Variants in ARK2C observed in about 807,000 individuals in gnomAD.
ARK2C encodes arkadia (RNF111) C-terminal like ring finger ubiquitin ligase 2C, also known as E3 ubiquitin-protein ligase ARK2C.
chr18:46,425,390 C>G, the ARK2C span, among the ~76,000 whole-genome samples: 1 of 152,212 alleles, frequency 6.6e-6, no homozygotes, highest in Non-Finnish European at 1.5e-5. Flanking sequence ...CTGGGGTAGC[C>G]CCGGGTGGGT....
At chr18:46,458,277 T>A in the ARK2C span, 1 of 152,650 alleles carries the variant, frequency 6.6e-6, no homozygotes. Flanking sequence ...GACAGAAGAA[T>A]GGAGATGGGA....
the ARK2C span, among the ~76,000 whole-genome samples, chr18:46,395,494 G>A: frequency 1.3e-5 from 2 of 152,208 alleles, no homozygotes; most frequent in African/African-American, 4.8e-5. Flanking sequence ...TAATCCTCAT[G>A]GCAGCCCTTA....
the ARK2C span, among the ~76,000 whole-genome samples, chr18:46,446,670 CAAAA>C: frequency 1.7e-4 from 6 of 34,384 alleles, no homozygotes; most frequent in African/African-American, 7.3e-4. Context: ...GACTCCATCT[CAAAA>C]AAAAAAAAAA....
the ARK2C span, chr18:46,387,213 C>A: frequency 2.6e-5 from 4 of 152,176 alleles, no homozygotes; most frequent in African/African-American, 9.7e-5. Flanking sequence ...CAAACTTCAA[C>A]GTCCAGCTGA....
the ARK2C span, chr18:46,456,580 A>G: frequency 6.2e-7 from 1 of 1,614,172 alleles, no homozygotes; most frequent in Non-Finnish European, 8.5e-7. Context: ...CGCCATGAGC[A>G]AGAAATGCCC....
chr18:46,432,429 T>C, the ARK2C span, among the ~76,000 whole-genome samples: 1 of 152,184 alleles, frequency 6.6e-6, no homozygotes, highest in African/African-American at 2.4e-5. Context: ...CTTCTGGTTG[T>C]TTTATTCTCT....
At chr18:46,351,872 T>A in the ARK2C span, among the ~76,000 whole-genome samples, 2 of 152,072 alleles carry the variant, frequency 1.3e-5, no homozygotes, top group Non-Finnish European at 2.9e-5. Context: ...AAACGGTAAA[T>A]CTATTGGTGT....
chr18:46,338,040 A>T, the ARK2C span, among the ~76,000 whole-genome samples: 22 of 152,170 alleles, frequency 1.4e-4, no homozygotes, highest in Admixed American at 5.2e-4. Context: ...AGAGAAGGGG[A>T]TATAACACTT....
At chr18:46,442,829 A>G in the ARK2C span, among the ~76,000 whole-genome samples, 1 of 152,106 alleles carries the variant, frequency 6.6e-6, no homozygotes, top group Non-Finnish European at 1.5e-5. Flanking sequence ...ACTTATATAT[A>G]TTAGGATATT....
the ARK2C span, among the ~76,000 whole-genome samples, chr18:46,406,299 T>G: frequency 2.0e-5 from 3 of 152,162 alleles, no homozygotes; most frequent in African/African-American, 7.2e-5. Context: ...CGGGCAGGCG[T>G]GGGAGCTGCA....
the ARK2C span, among the ~76,000 whole-genome samples, chr18:46,401,487 C>T: frequency 6.6e-6 from 1 of 152,248 alleles, no homozygotes; most frequent in South Asian, 2.1e-4. Context: ...AAGACCTTAG[C>T]AATTCTTCAT....
At chr18:46,367,917 T>C in the ARK2C span, among the ~76,000 whole-genome samples, 2,782 of 152,346 alleles carry the variant, frequency 0.018, 86 homozygotes, top group African/African-American at 0.063. Flanking sequence ...CTTTCCTCCA[T>C]GATTCTGATG....
chr18:46,342,458 T>G, the ARK2C span, among the ~76,000 whole-genome samples: 5 of 152,182 alleles, frequency 3.3e-5, no homozygotes, highest in Non-Finnish European at 1.5e-5. Flanking sequence ...ACCCTGAGCC[T>G]TGCACATCCC....
the ARK2C span, among the ~76,000 whole-genome samples, chr18:46,406,221 C>T: frequency 1.3e-5 from 2 of 152,326 alleles, no homozygotes; most frequent in African/African-American, 4.8e-5. Flanking sequence ...CTCCCAATAG[C>T]TCTTGTTGCA....
the ARK2C span, chr18:46,336,191 G>A: frequency 6.2e-4 from 611 of 985,344 alleles, 1 homozygote; most frequent in African/African-American, 0.01. Context: ...ACACTAGGCA[G>A]AAATTCAAAA....
chr18:46,343,642 A>G, the ARK2C span, among the ~76,000 whole-genome samples: 1 of 152,328 alleles, frequency 6.6e-6, no homozygotes, highest in African/African-American at 2.4e-5. Context: ...CTATCTGCCA[A>G]GGGAGAGAAT....
chr18:46,452,128 A>G, the ARK2C span, among the ~76,000 whole-genome samples: 1 of 152,162 alleles, frequency 6.6e-6, no homozygotes, highest in Non-Finnish European at 1.5e-5. Context: ...CACAGAGCAA[A>G]CCCTAATGTA....
At chr18:46,393,598 AG>A in the ARK2C span, among the ~76,000 whole-genome samples, 1 of 152,166 alleles carries the variant, frequency 6.6e-6, no homozygotes, top group Non-Finnish European at 1.5e-5. Context: ...GCAAAGTGTA[AG>A]GTCTTAGACC....
the ARK2C span, among the ~76,000 whole-genome samples, chr18:46,387,773 G>T: frequency 6.6e-6 from 1 of 152,214 alleles, no homozygotes; most frequent in Non-Finnish European, 1.5e-5. Context: ...GAAATCCCAG[G>T]GTCAGCTCAG....
Sources: allele counts gnomAD v4.1 joint callset (sites outside exome capture counted in the v4.1 genomes callset), GRCh38; gene constraint gnomAD v4.1.1; transcripts MANE v1.5; gene names NCBI Gene and HGNC (gene_info 2026-07-23, HGNC 2026-07-21).